Variants in NRIP1 observed in about 807,000 individuals in gnomAD.
NRIP1 encodes nuclear receptor interacting protein 1.
Under a neutral mutation model 75.0 loss-of-function variants are expected in NRIP1, and 28 were observed. The observed-to-expected ratio is 0.37, with a 90% confidence interval of 0.28 to 0.51. The LOEUF (loss-of-function observed/expected upper bound fraction) is 0.51. Ranked by LOEUF, NRIP1 falls within the 20% of genes least tolerant of loss-of-function variation. The pLI is 0.92. For synonymous variants in NRIP1, 526 were observed against 487.6 expected (o/e 1.08, Z -1.04); for missense variants, 1,435 against 1,343.7 (o/e 1.07, Z -1.06).
At chr21:14,982,447 T>C (rs1471475293) in intron 3 of NRIP1, among the ~76,000 whole-genome samples, 1 of 152,122 alleles carries the variant, frequency 6.6e-6, no homozygotes, top group African/African-American at 2.4e-5. Context: ...GCATACAGAA[T>C]CCTGTAATAA....
chr21:15,047,307 C>G (rs1414124839), intron 1 of NRIP1, among the ~76,000 whole-genome samples: 1 of 151,988 alleles, frequency 6.6e-6, no homozygotes, highest in African/African-American at 2.4e-5. Flanking sequence ...TTTGGGAGGC[C>G]GAGGCAGGCA....
At position 14,966,966 on chromosome 21, in the gene NRIP1, A is replaced by G; in HGVS notation, c.1227T>C (p.Ser409=). ...AATATTCATCAATAGTTGTAGGTGT[A>G]CTACTTTCCTCAAAAATGCTTCCTC... is the stretch of plus-strand genomic sequence containing the variant. ...SERGSIFEES[S]TPTTIDEYSD... Residue 409 remains serine, a synonymous_variant, in exon 4 of 4, where the codon AGT becomes AGC. Coordinates refer to ENST00000318948, the MANE Select transcript of NRIP1 (RefSeq NM_003489.4). 6.2e-7 allele frequency: 1 copy of G among 1,614,142 alleles called. No individual in the cohort carries two copies. Among genetic ancestry groups the G allele is most frequent in the Non-Finnish European group, 8.5e-7 (1 of 1,180,000 alleles).
intron 3 of NRIP1, among the ~76,000 whole-genome samples, chr21:14,982,382 CA>C (rs2087261891): frequency 1.3e-5 from 2 of 152,152 alleles, no homozygotes; most frequent in Admixed American, 6.5e-5. Context: ...CCCTTCCCCC[CA>C]TATCATCCTT....
At chr21:14,995,035 G>T (rs948031440) in intron 3 of NRIP1, among the ~76,000 whole-genome samples, 6 of 152,054 alleles carry the variant, frequency 3.9e-5, no homozygotes, top group Non-Finnish European at 8.8e-5. Flanking sequence ...AAAACCCAAA[G>T]GGTAATAATT....
At chr21:14,980,792 G>T (rs1174218671) in intron 3 of NRIP1, among the ~76,000 whole-genome samples, 3 of 151,630 alleles carry the variant, frequency 2.0e-5, no homozygotes, top group African/African-American at 7.3e-5. Context: ...CTCAATTAGT[G>T]GTTTTTCATA....
intron 1 of NRIP1, chr21:15,050,524 G>A (rs2089178544): frequency 1.2e-5 from 4 of 337,062 alleles, no homozygotes; most frequent in East Asian, 7.9e-5. Context: ...ATCTTTAAAT[G>A]AGCTACAATC....
intron 3 of NRIP1, among the ~76,000 whole-genome samples, chr21:15,011,949 T>A (rs945919206): frequency 2.0e-5 from 3 of 152,214 alleles, no homozygotes; most frequent in Non-Finnish European, 2.9e-5. Context: ...AAAGGCTTTT[T>A]AAACACTTCA....
intron 3 of NRIP1, among the ~76,000 whole-genome samples, chr21:15,010,314 A>G (rs2088072515): frequency 2.0e-5 from 3 of 152,176 alleles, no homozygotes; most frequent in Admixed American, 1.3e-4. Flanking sequence ...AAGAAGAGAA[A>G]GTGTATTGAC....
intron 3 of NRIP1, chr21:14,992,409 A>G (rs1001018160): frequency 1.3e-5 from 2 of 152,218 alleles, no homozygotes; most frequent in African/African-American, 4.8e-5. Context: ...TAACTTACCA[A>G]TTCAGTCTGA....
intron 3 of NRIP1, among the ~76,000 whole-genome samples, chr21:15,006,161 A>G (rs1350950133): frequency 6.6e-6 from 1 of 152,134 alleles, no homozygotes; most frequent in Non-Finnish European, 1.5e-5. Context: ...CATGATGAAT[A>G]CATTCTTAAG....
chr21:15,032,504 A>G (rs2088728066), intron 2 of NRIP1, among the ~76,000 whole-genome samples: 2 of 152,200 alleles, frequency 1.3e-5, no homozygotes, highest in South Asian at 2.1e-4. Context: ...CTCTAAAAAA[A>G]AAAACCGTTC....
chr21:15,020,989 G>T (rs1344074939), intron 2 of NRIP1, among the ~76,000 whole-genome samples: 1 of 152,040 alleles, frequency 6.6e-6, no homozygotes, highest in East Asian at 1.9e-4. Context: ...TTGAAAAACA[G>T]TTTGGTGGTT....
chr21:15,025,774 G>A (rs1301754663), intron 2 of NRIP1, among the ~76,000 whole-genome samples: 1 of 152,060 alleles, frequency 6.6e-6, no homozygotes, highest in Non-Finnish European at 1.5e-5. Flanking sequence ...CTAATCATGA[G>A]GAAACAGAAG....
chr21:14,962,575 C>T lies in NRIP1; in HGVS notation c.*2141G>A, dbSNP rs1389379467. On this transcript the variant is annotated 3_prime_UTR_variant, in exon 4 of 4. Transcript: ENST00000318948. ...ACATACCTCTAAGGCTCCAAACCTTCCACAACGATCAAGAAAAATGACTTG... is the reference window on the plus strand; with the variant it reads ...ACATACCTCTAAGGCTCCAAACCTTTCACAACGATCAAGAAAAATGACTTG... 1 of 152,390 alleles carries T rather than the reference C, an allele frequency of 6.6e-6. No homozygotes were observed. Among genetic ancestry groups the T allele is most frequent in the African/African-American group, 2.4e-5 (1 of 41,400 alleles). 9.4% of individuals were successfully genotyped at this position (152,390 alleles called of 1,614,324 possible).
chr21:15,055,558 G>T (rs762181642), intron 1 of NRIP1, among the ~76,000 whole-genome samples: 18 of 152,106 alleles, frequency 1.2e-4, no homozygotes, highest in Non-Finnish European at 2.4e-4. Context: ...GCCAATTCTC[G>T]TTTCATGTCT....
chr21:15,021,709 A>C (rs2088380607), intron 2 of NRIP1, among the ~76,000 whole-genome samples: 1 of 148,106 alleles, frequency 6.8e-6, no homozygotes, highest in Admixed American at 6.6e-5. Flanking sequence ...TACAAGAAAA[A>C]AAACATTAAA....
At chr21:14,969,995 T>A (rs2086860175) in intron 3 of NRIP1, among the ~76,000 whole-genome samples, 1 of 152,182 alleles carries the variant, frequency 6.6e-6, no homozygotes, top group Non-Finnish European at 1.5e-5. Context: ...AGAAATGAAA[T>A]GGTTATCATG....
intron 3 of NRIP1, among the ~76,000 whole-genome samples, chr21:15,003,301 G>T (rs2147124949): frequency 6.6e-6 from 1 of 151,898 alleles, no homozygotes; most frequent in South Asian, 2.1e-4. Context: ...TTATTAGGAG[G>T]CATCCTAAGC....
rs556116868 is a variant in NRIP1 at position 15,019,558 on chromosome 21, G to A, written c.-457-5092C>T. 2.5e-4 allele frequency among the ~76,000 whole-genome samples: 30 copies of A among 121,330 alleles called. 1 individual carries two copies. In the South Asian group the frequency reaches 8.3e-3, roughly 33 times the overall value. The allele number at this position is 121,330 out of a possible 152,430, so 79.6% of individuals were successfully genotyped here. On this transcript the variant is annotated intron_variant, in intron 2 of 3. Transcript: ENST00000318948. ...AGCTGGAGTGCAATGATGCAGTCTTGGCTCACTGCAACCTCTGCCTCCCAG... is the reference window on the plus strand; with the variant it reads ...AGCTGGAGTGCAATGATGCAGTCTTAGCTCACTGCAACCTCTGCCTCCCAG...
Sources: allele counts gnomAD v4.1 joint callset (sites outside exome capture counted in the v4.1 genomes callset), GRCh38; gene constraint gnomAD v4.1.1; transcripts MANE v1.5; gene names NCBI Gene and HGNC (gene_info 2026-07-23, HGNC 2026-07-21).